PARP4: variants seen among roughly 807,000 people sequenced by gnomAD.
The protein encoded by PARP4 is protein mono-ADP-ribosyltransferase PARP4.
A neutral mutation model predicts 187.7 loss-of-function variants in PARP4; 120 were observed. That is an observed-to-expected ratio of 0.64 (90% confidence interval 0.55 to 0.74). PARP4 has a LOEUF of 0.74. Among genes scored for constraint, PARP4 ranks in the 30% least tolerant of loss-of-function variants. PARP4 has a pLI of 0.00. For missense variants in PARP4, 1,836 were observed against 2,070.5 expected (o/e 0.89, Z 2.20); for synonymous variants, 654 against 740.9 (o/e 0.88, Z 1.90).
At position 24,422,668 on chromosome 13, in the gene PARP4, A is replaced by G. The variant is rs190715416; in HGVS notation, c.4980-1354T>C. On this transcript the variant is annotated intron_variant, in intron 33 of 33. Transcript: ENST00000381989. ...TGTGTCGCCAGGCTGGAGTGCAGGG[A>G]CACGATCTCGGTTCACTGCAACCTC... is the stretch of plus-strand genomic sequence containing the variant. Among the ~76,000 whole-genome samples, 176 of 152,136 alleles carry G rather than the reference A, an allele frequency of 1.2e-3. 3 individuals are homozygous for G. The East Asian group carries it at 0.018, about 16-fold the overall frequency.
At chr13:24,424,950 TG>T (rs1869948375) in intron 33 of PARP4, among the ~76,000 whole-genome samples, 1 of 151,694 alleles carries the variant, frequency 6.6e-6, no homozygotes, top group Non-Finnish European at 1.5e-5. Context: ...CCCAAAGTGC[TG>T]GGATTACAGG....
Position 24,494,665 on chromosome 13 carries a change from T to G in PARP4, c.649A>C (p.Asn217His), listed in dbSNP as rs771064638. ...TSEDASEYFE[N>H]YIEELKKQGF... The stretch of plus-strand genomic sequence containing the variant: ...TGTTTCTTCAGTTCTTCAATGTAAT[T>G]TTCAAAGTATTCACTTGCATCTTCA... Residue 217 changes from asparagine (N) to histidine (H), a missense_variant, in exon 7 of 34, where the codon AAT (asparagine) becomes CAT (histidine). This residue lies in a region of PARP4 where 1,147 missense variants were observed against 1,214.2 expected (regional missense o/e 0.94). Transcript: ENST00000381989. 2.5e-6 allele frequency: 4 copies of G among 1,609,894 alleles called. No individual in the cohort carries two copies. In the African/African-American group the frequency reaches 5.3e-5, roughly 22 times the overall value.
chr13:24,475,519 G>A lies in PARP4; in HGVS notation c.1867C>T (p.Leu623=), dbSNP rs142545735. ...CTCCCTTTGATGTGGACATCCTCCA[G>A]AGGAACCAAGTTCCCAGAGGCATCC... The part of the protein sequence containing the change: ...LQDASGNLVP[L]EDVHIKGRII... The change falls in exon 15 of 34, where the codon CTG becomes TTG. Residue 623 remains leucine, a synonymous_variant. Coordinates refer to ENST00000381989, the MANE Select transcript of PARP4 (RefSeq NM_006437.4). 861 of 1,614,086 alleles carry A rather than the reference G, an allele frequency of 5.3e-4. 5 individuals carry two copies. The African/African-American group carries it at 0.011, about 20-fold the overall frequency.
intron 6 of PARP4, among the ~76,000 whole-genome samples, chr13:24,497,041 A>G (rs1405445279): frequency 1.3e-5 from 2 of 152,220 alleles, no homozygotes; most frequent in Non-Finnish European, 2.9e-5. Flanking sequence ...AGAAGAAAAA[A>G]AAAGATAGAT....
At chr13:24,459,532 T>TACACACACAC (rs762453075) in intron 18 of PARP4, 11,075 of 315,396 alleles carry the variant, frequency 0.035, 434 homozygotes, top group East Asian at 0.05. Flanking sequence ...TCTGTGTGTA[T>TACACACACAC]ACACACACAC....
intron 32 of PARP4, among the ~76,000 whole-genome samples, chr13:24,428,970 T>G (rs1870198016): frequency 6.6e-6 from 1 of 152,178 alleles, no homozygotes; most frequent in African/African-American, 2.4e-5. Context: ...AACCTTTTGA[T>G]ATCATTCCAC....
At chr13:24,507,312 C>G (rs1457488830) in intron 1 of PARP4, among the ~76,000 whole-genome samples, 2 of 152,248 alleles carry the variant, frequency 1.3e-5, no homozygotes, top group African/African-American at 4.8e-5. Context: ...GCTGCAAGGG[C>G]TGCCAGCACG....
intron 10 of PARP4, among the ~76,000 whole-genome samples, chr13:24,487,256 C>CACAA (rs1366904075): frequency 4.5e-5 from 5 of 110,258 alleles, no homozygotes; most frequent in African/African-American, 8.2e-5. Flanking sequence ...AAGGCTCCGT[C>CACAA]AAAAAAAAAA....
intron 12 of PARP4, among the ~76,000 whole-genome samples, chr13:24,481,557 G>A (rs1353157770): frequency 1.3e-5 from 2 of 152,168 alleles, no homozygotes; most frequent in African/African-American, 4.8e-5. Flanking sequence ...GCCAGGCGTG[G>A]TGGCATGCGC....
At chr13:24,502,535 C>T (rs61946870) in intron 2 of PARP4, among the ~76,000 whole-genome samples, 19,545 of 152,250 alleles carry the variant, frequency 0.13, 1,496 homozygotes, top group Middle Eastern at 0.29. Flanking sequence ...CAGCCTCTTC[C>T]GTGCTGGCTT....
At chr13:24,429,872 T>G (rs1870247861) in intron 32 of PARP4, among the ~76,000 whole-genome samples, 1 of 152,196 alleles carries the variant, frequency 6.6e-6, no homozygotes, top group African/African-American at 2.4e-5. Flanking sequence ...TTGGCAACCT[T>G]AAACTCCAAC....
intron 18 of PARP4, among the ~76,000 whole-genome samples, chr13:24,459,697 T>C (rs1278510368): frequency 1.3e-5 from 2 of 152,258 alleles, no homozygotes; most frequent in Non-Finnish European, 2.9e-5. Flanking sequence ...GTATTCTCTA[T>C]GCTTATCTAG....
At position 24,465,423 on chromosome 13, in the gene PARP4, T is replaced by C. The variant is rs182205049; in HGVS notation, c.2133+3601A>G. Among the ~76,000 whole-genome samples, 883 of 141,382 alleles carry C rather than the reference T, an allele frequency of 6.2e-3. 5 individuals are homozygous for C. The highest frequency in any genetic ancestry group is 8.6e-3 in the Non-Finnish European group (545 of 63,658). The allele number at this position is 141,382 out of a possible 152,430, so 92.8% of individuals were successfully genotyped here. ...TCAATGATAGACTGGATAAAGAAAA[T>C]GTGGTACATATGTACCATGGAATAC... On this transcript the variant is annotated intron_variant, in intron 17 of 33. Transcript: ENST00000381989.
At chr13:24,484,151 C>T (rs1227630777) in intron 12 of PARP4, among the ~76,000 whole-genome samples, 1 of 152,116 alleles carries the variant, frequency 6.6e-6, no homozygotes, top group Non-Finnish European at 1.5e-5. Context: ...AATGATGTCA[C>T]AATACCAATT....
chr13:24,495,034 G>A (rs1478811775), intron 6 of PARP4, among the ~76,000 whole-genome samples: 1 of 151,994 alleles, frequency 6.6e-6, no homozygotes, highest in Admixed American at 6.6e-5. Flanking sequence ...ACCACACCTG[G>A]CTAATTTTTT....
chr13:24,422,518 C>T (rs1869797079), intron 33 of PARP4, among the ~76,000 whole-genome samples: 1 of 152,198 alleles, frequency 6.6e-6, no homozygotes, highest in Admixed American at 6.5e-5. Context: ...CCTACACCCC[C>T]ATATAATGTG....
chr13:24,477,797 A>G lies in PARP4; in HGVS notation c.1693T>C (p.Ser565Pro), dbSNP rs756276576. ...TCCTTTATCTGATCTCCAGGCATGG[A>G]AAATTTAATAATATATTTCATTTTA... Reference protein sequence around the residue: ...QVKMKYIIKFSMPGDQIKDFH... With the variant: ...QVKMKYIIKFPMPGDQIKDFH... Residue 565 changes from serine to proline, a missense_variant, in exon 14 of 34, where the codon TCC becomes CCC. This residue lies in a region of PARP4 where 1,147 missense variants were observed against 1,214.2 expected (regional missense o/e 0.94). Transcript: ENST00000381989. The G allele has an allele frequency of 2.5e-6, 4 of 1,570,702 alleles. No homozygotes were observed. Among genetic ancestry groups the G allele is most frequent in the Non-Finnish European group, 3.5e-6 (4 of 1,146,578 alleles).
At chr13:24,443,256 T>C (rs1279754431) in intron 28 of PARP4, among the ~76,000 whole-genome samples, 2 of 148,840 alleles carry the variant, frequency 1.3e-5, no homozygotes, top group African/African-American at 2.5e-5. Flanking sequence ...ATGGGGGGAG[T>C]CAGGTGGGCT....
intron 9 of PARP4, among the ~76,000 whole-genome samples, 168 bp from the exon 10 acceptor site, chr13:24,490,996 T>C (rs1275395834): frequency 1.3e-5 from 2 of 152,100 alleles, no homozygotes; most frequent in African/African-American, 2.4e-5. Context: ...CGCTGGAGTG[T>C]AGTGGCATGA....
Sources: gnomAD v4.1 joint callset for allele counts (sites outside exome capture counted in the v4.1 genomes callset) on GRCh38, gnomAD v4.1.1 for gene constraint, gnomAD v4.1.1 regional missense constraint, MANE v1.5 for transcripts, NCBI Gene and HGNC (gene_info 2026-07-23, HGNC 2026-07-21) for gene names.